Variants in GPR107 observed in about 807,000 individuals in gnomAD.
The protein encoded by GPR107 is G protein-coupled receptor 107.
GPR107 carries 31 observed loss-of-function variants against 75.5 expected under a neutral mutation model. The observed-to-expected ratio is 0.41, with a 90% CI of 0.31 to 0.55. The LOEUF (loss-of-function observed/expected upper bound fraction) is 0.55, where lower values mean the gene tolerates loss of function less well. GPR107 is among the 20% of genes least tolerant of loss of function. GPR107 has a pLI of 0.26. For synonymous variants in GPR107, 267 were observed against 251.3 expected, an observed-to-expected ratio of 1.06 and a Z score of -0.59; for missense variants, 572 against 665.7, an observed-to-expected ratio of 0.86 and a Z score of 1.55.
intron 1 of GPR107, among the ~76,000 whole-genome samples, chr9:130,062,414 G>GA (rs1564657385): frequency 9.6e-6 from 1 of 104,436 alleles, no homozygotes; most frequent in East Asian, 3.1e-4. Context: ...ACCCTGTCTC[G>GA]AAAATGATAA....
intron 9 of GPR107, among the ~76,000 whole-genome samples, chr9:130,096,657 G>A (rs896757942): frequency 6.6e-6 from 1 of 151,874 alleles, no homozygotes; most frequent in African/African-American, 2.4e-5. Context: ...TCGTAGAGAC[G>A]GGGTTTCACT....
Position 130,124,926 on chromosome 9 carries a change from T to A in GPR107, c.1318T>A (p.Leu440Ile). Residue 440 changes from leucine (L) to isoleucine (I), a missense_variant, in exon 15 of 18, where the codon TTA becomes ATA. Physicochemically the swap from Leu to Ile is conservative, Grantham distance 5. Transcript: ENST00000347136. ...SATDGKAAINLAKLKLFRHYY... is the reference protein window; with the variant it reads ...SATDGKAAINIAKLKLFRHYY... ...TTTCTTCTCTCTAGCTGCTATTAAC[T>A]TAGCAAAGCTGAAACTTTTCAGACA... The A allele has an allele frequency of 6.5e-7, 1 of 1,548,948 alleles. No homozygotes were observed. Among genetic ancestry groups the A allele is most frequent in the Non-Finnish European group, 8.8e-7 (1 of 1,137,154 alleles).
intron 1 of GPR107, among the ~76,000 whole-genome samples, chr9:130,055,284 G>A (rs1467351368): frequency 7.0e-6 from 1 of 143,402 alleles, no homozygotes; most frequent in African/African-American, 2.6e-5. Flanking sequence ...TGGCTAGCAC[G>A]GTGAAACCCT....
intron 7 of GPR107, among the ~76,000 whole-genome samples, chr9:130,089,160 A>T (rs1243061472): frequency 6.6e-6 from 1 of 151,378 alleles, no homozygotes; most frequent in Non-Finnish European, 1.5e-5. Context: ...ACAGTCTGAG[A>T]CTCCATCTCA....
intron 1 of GPR107, among the ~76,000 whole-genome samples, chr9:130,055,883 G>A (rs1209831583): frequency 6.6e-6 from 1 of 151,910 alleles, no homozygotes; most frequent in Non-Finnish European, 1.5e-5. Context: ...GGCTGAGATT[G>A]CAGTGAGCAG....
At chr9:130,094,460 C>G (rs1174787805) in intron 9 of GPR107, among the ~76,000 whole-genome samples, 2 of 151,990 alleles carry the variant, frequency 1.3e-5, no homozygotes, top group African/African-American at 4.8e-5. Flanking sequence ...GTAGTGCTCA[C>G]TACTTGGGAG....
At chr9:130,074,384 C>T (rs1830290120) in intron 1 of GPR107, among the ~76,000 whole-genome samples, 2 of 152,150 alleles carry the variant, frequency 1.3e-5, no homozygotes, top group South Asian at 4.1e-4. Flanking sequence ...AAAAAGTTAC[C>T]CTTCACACCA....
chr9:130,075,319 A>G (rs1220311711), intron 1 of GPR107, among the ~76,000 whole-genome samples: 1 of 133,068 alleles, frequency 7.5e-6, no homozygotes, highest in South Asian at 2.2e-4. Context: ...ATCTCGGCTC[A>G]CTGCAACCTC....
Position 130,054,004 on chromosome 9 carries a change from C to T in GPR107, c.72C>T (p.Leu24=). The T allele has an allele frequency of 1.3e-6, 2 of 1,553,844 alleles. No homozygotes were observed. The highest frequency in any genetic ancestry group is 8.7e-7 in the Non-Finnish European group (1 of 1,148,992). ...GGCTGGCCGCGGGCCTCCGGCTGCT[C>T]CCAATGCTGGGTTTGCTGCAGTTGC... ...GPRLAAGLRL[L]PMLGLLQLLA... The change falls in exon 1 of 18, where the codon CTC becomes CTT. Residue 24 remains leucine (L), a synonymous_variant. Coordinates refer to ENST00000347136, the MANE Select transcript of GPR107 (RefSeq NM_020960.5).
At chr9:130,060,399 C>T (rs550259482) in intron 1 of GPR107, among the ~76,000 whole-genome samples, 86 of 129,124 alleles carry the variant, frequency 6.7e-4, no homozygotes, top group South Asian at 1.7e-3. Flanking sequence ...AATGATAATC[C>T]GAGTTTTTTT....
At chr9:130,081,757 G>A (rs1830497686) in intron 5 of GPR107, among the ~76,000 whole-genome samples, 2 of 151,990 alleles carry the variant, frequency 1.3e-5, no homozygotes, top group Admixed American at 1.3e-4. Flanking sequence ...TGGGGAGGCT[G>A]AGGCAAAAGA....
intron 1 of GPR107, among the ~76,000 whole-genome samples, chr9:130,056,590 G>A (rs542688319): frequency 6.0e-4 from 91 of 152,148 alleles, no homozygotes; most frequent in African/African-American, 2.1e-3. Flanking sequence ...TAGCTGATAA[G>A]CTTTAAAAAA....
At position 130,053,938 on chromosome 9, in the gene GPR107, C is replaced by T. The variant is rs756249895; in HGVS notation, c.6C>T (p.Ala2=). Residue 2 remains alanine, a synonymous_variant, in exon 1 of 18, where the codon GCC becomes GCT. Coordinates refer to ENST00000347136, the MANE Select transcript of GPR107 (RefSeq NM_020960.5). The part of the protein sequence containing the change: M[A]ALAPVGSPAS... ...CTGGTGATGCTGGAACAAACATGGCCGCTCTGGCGCCCGTCGGCTCCCCCG... is the reference window on the plus strand; with the variant it reads ...CTGGTGATGCTGGAACAAACATGGCTGCTCTGGCGCCCGTCGGCTCCCCCG... 1 of 1,557,442 alleles carries T rather than the reference C, an allele frequency of 6.4e-7. No individual in the cohort carries two copies. Among genetic ancestry groups the T allele is most frequent in the Non-Finnish European group, 8.7e-7 (1 of 1,152,400 alleles).
At chr9:130,131,781 C>T (rs1387000325) in intron 17 of GPR107, among the ~76,000 whole-genome samples, 3 of 152,130 alleles carry the variant, frequency 2.0e-5, no homozygotes, top group Non-Finnish European at 1.5e-5. Flanking sequence ...GTAGGCCTTA[C>T]TTTGTGCCTC....
chr9:130,107,352 G>C, intron 13 of GPR107, 144 bp from the exon 14 acceptor site: 1 of 665,834 alleles, frequency 1.5e-6, no homozygotes, highest in East Asian at 2.7e-5. Flanking sequence ...CCCTCTACCC[G>C]TTTTAGGGAG....
chr9:130,122,178 G>A (rs1024311658), intron 14 of GPR107, among the ~76,000 whole-genome samples: 8 of 152,116 alleles, frequency 5.3e-5, no homozygotes, highest in Admixed American at 1.3e-4. Context: ...GGCATGAGCC[G>A]CCGCGCCCAG....
chr9:130,124,959 G>A lies in GPR107; in HGVS notation c.1351G>A (p.Val451Ile), dbSNP rs372245113. ...AKLKLFRHYY[V>I]LIVCYIYFTR... is the part of the protein sequence containing the mutation. ...GCTGAAACTTTTCAGACATTATTAC[G>A]TCTTGGTAAGTAAAAAAAAAAAAAA... The change falls in exon 15 of 18, where the codon GTC (valine) becomes ATC (isoleucine). Residue 451 changes from valine to isoleucine, a missense_variant. Transcript: ENST00000347136. The A allele has an allele frequency of 9.5e-6, 13 of 1,369,238 alleles. No individual in the cohort carries two copies. Among genetic ancestry groups the A allele is most frequent in the African/African-American group, 2.3e-5 (1 of 43,854 alleles). 84.8% of individuals were successfully genotyped at this position (1,369,238 alleles called of 1,614,324 possible). A position where few individuals can be genotyped will look rare whatever the true frequency, so the allele number is the denominator to read the frequency against.
At chr9:130,134,925 C>G (rs1554899694) in intron 17 of GPR107, 100 bp from the exon 18 acceptor site, 1 of 739,690 alleles carries the variant, frequency 1.4e-6, no homozygotes, top group Admixed American at 2.0e-5. Flanking sequence ...TTTCAAAAAC[C>G]AACACCCATC....
intron 14 of GPR107, among the ~76,000 whole-genome samples, chr9:130,118,020 C>A (rs928542672): frequency 6.6e-6 from 1 of 152,212 alleles, no homozygotes; most frequent in African/African-American, 2.4e-5. Flanking sequence ...AGGTTATGAA[C>A]TGCCTTTCCC....
Sources: gnomAD v4.1 joint callset for allele counts (sites outside exome capture counted in the v4.1 genomes callset) on GRCh38, gnomAD v4.1.1 for gene constraint, MANE v1.5 for transcripts, NCBI Gene and HGNC (gene_info 2026-07-23, HGNC 2026-07-21) for gene names.